CBX3: variants seen among roughly 807,000 people sequenced by gnomAD.
CBX3 encodes the protein chromobox 3.
In CBX3, 5 loss-of-function variants were observed where a neutral mutation model predicts 22.6. The observed-to-expected ratio is 0.22, with a 90% confidence interval of 0.12 to 0.47. The LOEUF (loss-of-function observed/expected upper bound fraction) is 0.47. CBX3 is among the 20% of genes least tolerant of loss of function. The pLI is 0.99. For missense variants in CBX3, 83 were observed against 208.1 expected, an observed-to-expected ratio of 0.40 and a Z score of 3.70; for synonymous variants, 50 against 66.6, an observed-to-expected ratio of 0.75 and a Z score of 1.21.
chr7:26,205,089 A>G (rs989046507), intron 2 of CBX3, among the ~76,000 whole-genome samples: 6 of 152,274 alleles, frequency 3.9e-5, no homozygotes, highest in Non-Finnish European at 8.8e-5. Flanking sequence ...GCCCCCGGCA[A>G]TAGCATTTGC....
intron 1 of CBX3, 183 bp from the exon 2 acceptor site, chr7:26,202,788 G>A (rs1784578598): frequency 1.7e-6 from 1 of 586,648 alleles, no homozygotes; most frequent in African/African-American, 1.9e-5. Context: ...AGACTCACAT[G>A]GTTAGGACAC....
intron 1 of CBX3, chr7:26,202,674 T>G (rs1178882392): frequency 2.9e-6 from 1 of 349,878 alleles, no homozygotes; most frequent in East Asian, 6.9e-5. Flanking sequence ...AAATGGAACA[T>G]GGACTTTATT....
At chr7:26,203,087 C>T (rs565805693) in intron 2 of CBX3, 65 bp downstream of exon 2, 2 of 1,005,266 alleles carry the variant, frequency 2.0e-6, no homozygotes, top group African/African-American at 1.7e-5. Context: ...CACAGTATAA[C>T]TTTGCATCTC....
At chr7:26,206,269 T>C (rs2128137305) in intron 2 of CBX3, 99 bp from the exon 3 acceptor site, 1 of 756,068 alleles carries the variant, frequency 1.3e-6, no homozygotes, top group Non-Finnish European at 2.1e-6. Flanking sequence ...GAAGTAAAAA[T>C]TTATGTCGAA....
rs1214585253 is a variant in CBX3 at position 26,212,463 on chromosome 7, TTTCCTC to T, written c.*259_*264del. The T allele has an allele frequency of 3.2e-4, 55 of 171,942 alleles. No individual in the cohort carries two copies. Among genetic ancestry groups the T allele is most frequent in the African/African-American group, 1.2e-3 (49 of 41,970 alleles). 10.7% of individuals were successfully genotyped at this position (171,942 alleles called of 1,614,324 possible). On this transcript the variant is annotated 3_prime_UTR_variant, in exon 6 of 6. Coordinates refer to ENST00000396386, the MANE Select transcript of CBX3 (RefSeq NM_016587.4). ...GAACATTTGATACCATGGTATATCA[TTTCCTC>T]TTCATTAAAGAACAGCTTTTCTAAA...
intron 3 of CBX3, among the ~76,000 whole-genome samples, chr7:26,207,315 G>A (rs1191503447): frequency 1.3e-5 from 2 of 152,172 alleles, no homozygotes; most frequent in African/African-American, 2.4e-5. Context: ...ACGTTTGCCT[G>A]TTTTATCCTT....
At chr7:26,211,899 C>T (rs1784809002) in intron 5 of CBX3, 143 bp downstream of exon 5, 1 of 840,994 alleles carries the variant, frequency 1.2e-6, no homozygotes, top group East Asian at 2.8e-5. Context: ...TGTTTTAAAG[C>T]AAGGGTCAGC....
At position 26,212,254 on chromosome 7, in the gene CBX3, A is replaced by G; in HGVS notation, c.*46A>G. 1 of 1,094,626 alleles carries G rather than the reference A, an allele frequency of 9.1e-7. No individual in the cohort carries two copies. The highest frequency in any genetic ancestry group is 1.2e-6 in the Non-Finnish European group (1 of 864,996). 67.8% of individuals were successfully genotyped at this position (1,094,626 alleles called of 1,614,324 possible). A position where few individuals can be genotyped will look rare whatever the true frequency, so the allele number is the denominator to read the frequency against. On this transcript the variant is annotated 3_prime_UTR_variant, in exon 6 of 6. Coordinates refer to ENST00000396386, the MANE Select transcript of CBX3 (RefSeq NM_016587.4). The stretch of plus-strand genomic sequence containing the variant: ...TATATATTTATATATATATATAAAA[A>G]TTGGGTCTTAGATTTTGATTTACTA...
At chr7:26,210,933 G>A (rs1283261990) in intron 4 of CBX3, among the ~76,000 whole-genome samples, 2 of 152,058 alleles carry the variant, frequency 1.3e-5, no homozygotes, top group South Asian at 2.1e-4. Flanking sequence ...CAGTGAATCC[G>A]TAGACCACAT....
intron 2 of CBX3, among the ~76,000 whole-genome samples, chr7:26,204,186 T>C (rs186877501): frequency 1.3e-5 from 2 of 152,108 alleles, no homozygotes; most frequent in East Asian, 1.9e-4. Flanking sequence ...AACTAGCTTA[T>C]GAATGCCATA....
chr7:26,204,181 G>C (rs1238730285), intron 2 of CBX3, among the ~76,000 whole-genome samples: 1 of 151,548 alleles, frequency 6.6e-6, no homozygotes, highest in South Asian at 2.1e-4. Flanking sequence ...TTTGAAACTA[G>C]CTTATGAATG....
upstream of CBX3, chr7:26,201,706 C>T (rs1784455241): frequency 8.4e-6 from 1 of 119,168 alleles, no homozygotes; most frequent in African/African-American, 3.1e-5. Context: ...GCCACCCCTC[C>T]CCCCGGCGGC....
At chr7:26,204,395 C>T (rs1784628535) in intron 2 of CBX3, among the ~76,000 whole-genome samples, 3 of 152,188 alleles carry the variant, frequency 2.0e-5, no homozygotes, top group African/African-American at 7.2e-5. Flanking sequence ...TTGCTCCTCC[C>T]ACCATTATTC....
At chr7:26,205,245 G>C (rs1018459115) in intron 2 of CBX3, among the ~76,000 whole-genome samples, 2 of 152,048 alleles carry the variant, frequency 1.3e-5, no homozygotes, top group African/African-American at 2.4e-5. Context: ...TTGAGCCATT[G>C]GAAAGAGCTG....
At chr7:26,202,238 C>T (rs1299177979) in intron 1 of CBX3, 1 of 152,078 alleles carries the variant, frequency 6.6e-6, no homozygotes, top group Non-Finnish European at 1.5e-5. Flanking sequence ...GGCCGGCTGT[C>T]CCGAGGCTGC....
Position 26,203,017 on chromosome 7 carries a change from A to G in CBX3, c.19A>G (p.Thr7Ala), listed in dbSNP as rs1382899009. Residue 7 changes from threonine (T) to alanine (A), a missense_variant, in exon 2 of 6, where the codon ACA (threonine) becomes GCA (alanine). By Grantham distance (58) the Thr-to-Ala change is moderately conservative. Around this residue, in one of 3 missense-constraint regions of CBX3, gnomAD observed 24 missense variants for 25.1 expected, o/e 0.96. Transcript: ENST00000396386. ...ATAAAAAATGGCCTCCAACAAAACTACATTGGTAAGTTAATGAAAACCTAA... is the reference window on the plus strand; with the variant it reads ...ATAAAAAATGGCCTCCAACAAAACTGCATTGGTAAGTTAATGAAAACCTAA... MASNKT[T>A]LQKMGKKQNG... 6 of 1,607,956 alleles carry G rather than the reference A, an allele frequency of 3.7e-6. No homozygotes were observed. The African/African-American group carries it at 6.7e-5, about 18-fold the overall frequency.
intron 4 of CBX3, 96 bp downstream of exon 4, chr7:26,208,651 G>A: frequency 8.4e-7 from 1 of 1,185,550 alleles, no homozygotes; most frequent in South Asian, 1.5e-5. Flanking sequence ...ATGGAGTCTT[G>A]CTCTTGTCGC....
intron 2 of CBX3, 41 bp from the exon 3 acceptor site, chr7:26,206,327 C>A: frequency 7.3e-7 from 1 of 1,367,082 alleles, no homozygotes; most frequent in Non-Finnish European, 1.0e-6. Context: ...GCTCAAAATT[C>A]AAGAGGAATA....
intron 4 of CBX3, among the ~76,000 whole-genome samples, chr7:26,210,919 TC>T (rs1784790469): frequency 6.6e-6 from 1 of 151,996 alleles, no homozygotes; most frequent in Non-Finnish European, 1.5e-5. Context: ...GACTCTGGAA[TC>T]CCCAGTGAAT....
Sources: gnomAD v4.1 joint callset for allele counts (sites outside exome capture counted in the v4.1 genomes callset) on GRCh38, gnomAD v4.1.1 for gene constraint, gnomAD v4.1.1 regional missense constraint, MANE v1.5 for transcripts, NCBI Gene and HGNC (gene_info 2026-07-23, HGNC 2026-07-21) for gene names.